CACNB3: variants seen among roughly 807,000 people sequenced by gnomAD.
CACNB3 encodes the protein calcium voltage-gated channel auxiliary subunit beta 3.
CACNB3 carries 36 observed loss-of-function variants against 63.7 expected under a neutral mutation model. That is an observed-to-expected ratio of 0.57 (90% CI 0.43 to 0.75). The LOEUF is 0.75. Ranked by LOEUF, CACNB3 falls within the 30% of genes least tolerant of loss-of-function variation. The pLI, the probability that CACNB3 is intolerant of heterozygous loss-of-function variation, is 0.00. For synonymous variants in CACNB3, 241 were observed against 250.6 expected (o/e 0.96, Z 0.36); for missense variants, 493 against 648.6 (o/e 0.76, Z 2.61).
At position 48,827,097 on chromosome 12, in the gene CACNB3, C is replaced by T; in HGVS notation, c.1114C>T (p.Pro372Ser). 1 of 1,612,806 alleles carries T rather than the reference C, an allele frequency of 6.2e-7. No individual in the cohort carries two copies. Among genetic ancestry groups the T allele is most frequent in the Non-Finnish European group, 8.5e-7 (1 of 1,180,016 alleles). The change falls in exon 12 of 13, where the codon CCT becomes TCT. Residue 372 changes from proline to serine, a missense_variant. Pro to Ser is a moderately conservative substitution (Grantham distance 74). Coordinates refer to ENST00000301050, the MANE Select transcript of CACNB3 (RefSeq NM_000725.4). ...AGCCCCTGGCCCCGGACTTCTGGGT[C>T]CTCCCAGTGCCATCCCCGGACTTCA... Reference protein sequence around the residue: ...HPAPGPGLLGPPSAIPGLQNQ... With the variant: ...HPAPGPGLLGSPSAIPGLQNQ...
chr12:48,826,931 T>C lies in CACNB3; in HGVS notation c.991-43T>C. The stretch of plus-strand genomic sequence containing the variant: ...GTGATAGAGATGGGTGGGGGGCTGC[T>C]ACTGAGGGGAAACCAACGTTGCGCC... On this transcript the variant is annotated intron_variant, in intron 11 of 12. Coordinates refer to ENST00000301050, the MANE Select transcript of CACNB3 (RefSeq NM_000725.4). The surrounding 1 kb of genome is among the most constrained non-coding windows in gnomAD (Gnocchi z 4.8). 6.2e-7 allele frequency: 1 copy of C among 1,613,414 alleles called. No homozygotes were observed. The highest frequency in any genetic ancestry group is 8.5e-7 in the Non-Finnish European group (1 of 1,179,560).
At chr12:48,824,084 C>A in intron 3 of CACNB3, 174 bp from the exon 4 acceptor site, 1 of 682,910 alleles carries the variant, frequency 1.5e-6, no homozygotes, top group Non-Finnish European at 2.5e-6. Context: ...ACTCAGAAAT[C>A]CTGGGTGGCC....
chr12:48,824,039 GC>G, intron 3 of CACNB3: 1 of 666,646 alleles, frequency 1.5e-6, no homozygotes, highest in Non-Finnish European at 2.5e-6. Context: ...TAGATTAGCT[GC>G]CTCCGAGGTC....
chr12:48,826,239 G>A lies in CACNB3; in HGVS notation c.743-128G>A. 1.1e-6 allele frequency: 1 copy of A among 888,926 alleles called. No individual in the cohort carries two copies. 55.1% of individuals were successfully genotyped at this position (888,926 alleles called of 1,614,324 possible). On this transcript the variant is annotated intron_variant, in intron 9 of 12. Coordinates refer to ENST00000301050, the MANE Select transcript of CACNB3 (RefSeq NM_000725.4). This position sits in a 1 kb window ranked among gnomAD's most constrained non-coding sequence, Gnocchi z 4.8. ...CTCCTCAATTCCCATTCCTCTGCCT[G>A]TCCAGGCTTCGATGAATGCCCTTTT... is the stretch of plus-strand genomic sequence containing the variant.
Position 48,824,311 on chromosome 12 carries a change from C to T in CACNB3, c.345C>T (p.Ile115=), listed in dbSNP as rs116815169. ...GGCTAGTGAAAGAGGGCGGGGACAT[C>T]GCCTTCATCCCCAGCCCCCAGCGCC... ...IGRLVKEGGD[I]AFIPSPQRLE... Residue 115 remains isoleucine, a synonymous_variant, in exon 4 of 13, where the codon ATC becomes ATT. Transcript: ENST00000301050. 5.9e-4 allele frequency: 947 copies of T among 1,613,024 alleles called. 12 individuals carry two copies. In the African/African-American group the frequency reaches 9.1e-3, roughly 16 times the overall value.
intron 1 of CACNB3, among the ~76,000 whole-genome samples, chr12:48,822,804 A>G (rs759540485): frequency 7.9e-5 from 12 of 152,232 alleles, no homozygotes; most frequent in Middle Eastern, 3.4e-3. Flanking sequence ...GCCTTGTTGG[A>G]GTAGGGAAAG....
In CACNB3 at chr12:48,826,667, C is replaced by T; in HGVS notation, c.895-92C>T. 1 of 1,416,164 alleles carries T rather than the reference C, an allele frequency of 7.1e-7. No individual in the cohort carries two copies. 87.7% of individuals were successfully genotyped at this position (1,416,164 alleles called of 1,614,324 possible). ...GAGTCATCCTCACCTGCTACTGATG[C>T]CACAAGTGGAAGAAATGCCTAGCTC... On this transcript the variant is annotated intron_variant, in intron 10 of 12. Transcript: ENST00000301050. The surrounding 1 kb of genome is among the most constrained non-coding windows in gnomAD (Gnocchi z 4.8).
At position 48,828,852 on chromosome 12, in the gene CACNB3, C is replaced by G; in HGVS notation, c.*953C>G. 1 of 441,508 alleles carries G rather than the reference C, an allele frequency of 2.3e-6. No individual in the cohort carries two copies. The highest frequency in any genetic ancestry group is 4.6e-6 in the Non-Finnish European group (1 of 219,472). The allele number at this position is 441,508 out of a possible 1,614,324, so 27.3% of individuals were successfully genotyped here. ...GGACCTGTCTCCCCGGCTACTCTTG[C>G]CTTATGGCTCTAGTGTGTGACCTAC... is the stretch of plus-strand genomic sequence containing the variant. On this transcript the variant is annotated 3_prime_UTR_variant, in exon 13 of 13. Coordinates refer to ENST00000301050, the MANE Select transcript of CACNB3 (RefSeq NM_000725.4).
chr12:48,819,914 G>T, intron 1 of CACNB3: 1 of 302,762 alleles, frequency 3.3e-6, no homozygotes, highest in South Asian at 2.6e-5. Flanking sequence ...TCAGCCCCTT[G>T]GAGCTGACAA....
upstream of CACNB3, chr12:48,818,396 C>T (rs1279785631): frequency 2.1e-6 from 2 of 960,692 alleles, no homozygotes; most frequent in Non-Finnish European, 2.5e-6. The surrounding 1 kb of genome is among the most constrained non-coding windows in gnomAD (Gnocchi z 4.3). Flanking sequence ...CCTTTGTTTC[C>T]CGGCGGAGTA....
Position 48,828,831 on chromosome 12 carries a change from C to A in CACNB3, c.*932C>A, listed in dbSNP as rs536814323. The A allele has an allele frequency of 6.6e-6, 3 of 452,402 alleles. No homozygotes were observed. Among genetic ancestry groups the A allele is most frequent in the Middle Eastern group, 7.1e-4 (2 of 2,824 alleles). 28.0% of individuals were successfully genotyped at this position (452,402 alleles called of 1,614,324 possible). ...TGGGGAGAGACAGGGCACAGAGGACCTGTCTCCCCGGCTACTCTTGCCTTA... is the reference window on the plus strand; with the variant it reads ...TGGGGAGAGACAGGGCACAGAGGACATGTCTCCCCGGCTACTCTTGCCTTA... On this transcript the variant is annotated 3_prime_UTR_variant, in exon 13 of 13. Transcript: ENST00000301050.
Position 48,824,751 on chromosome 12 carries a change from C to G in CACNB3, c.472+18C>G. Reference sequence around the variant, plus strand: ...ATCTCTAGGTAGCCTCCCCCCAACCCACCCATTTTGGGTAGGTGGGTAGCT... The same window carrying G: ...ATCTCTAGGTAGCCTCCCCCCAACCGACCCATTTTGGGTAGGTGGGTAGCT... On this transcript the variant is annotated intron_variant, in intron 5 of 12. Transcript: ENST00000301050. 6.2e-7 allele frequency: 1 copy of G among 1,612,084 alleles called. No homozygotes were observed. Among genetic ancestry groups the G allele is most frequent in the Non-Finnish European group, 8.5e-7 (1 of 1,178,574 alleles).
rs376269921 is a variant in CACNB3, at chr12:48,825,003, A to C, written c.492+35A>C. On this transcript the variant is annotated intron_variant, in intron 6 of 12. Coordinates refer to ENST00000301050, the MANE Select transcript of CACNB3 (RefSeq NM_000725.4). This position sits in a 1 kb window ranked among gnomAD's most constrained non-coding sequence, Gnocchi z 4.5. ...GGAAGGGACCTGGGCTGGGGGGATCATGGCTTATGGCTCTGGGGACAGTGT... is the reference window on the plus strand; with the variant it reads ...GGAAGGGACCTGGGCTGGGGGGATCCTGGCTTATGGCTCTGGGGACAGTGT... The C allele has an allele frequency of 2.5e-6, 4 of 1,596,308 alleles. No homozygotes were observed. The African/African-American group carries it at 5.9e-5, about 23-fold the overall frequency.
Position 48,818,879 on chromosome 12 carries a change from C to T in CACNB3, c.-51C>T. 1 of 1,538,408 alleles carries T rather than the reference C, an allele frequency of 6.5e-7. No individual in the cohort carries two copies. The highest frequency in any genetic ancestry group is 8.8e-7 in the Non-Finnish European group (1 of 1,141,478). Reference sequence around the variant, plus strand: ...GGCCCGCAGTCCTTGCCCCTGCCTCCGGGCCGCTCCCGCCCCCGGCGCCGC... The same window carrying T: ...GGCCCGCAGTCCTTGCCCCTGCCTCTGGGCCGCTCCCGCCCCCGGCGCCGC... On this transcript the variant is annotated 5_prime_UTR_variant, in exon 1 of 13. Transcript: ENST00000301050. The surrounding 1 kb of genome is among the most constrained non-coding windows in gnomAD (Gnocchi z 4.3).
At position 48,826,015 on chromosome 12, in the gene CACNB3, C is replaced by T. The variant is rs1021705772; in HGVS notation, c.742+246C>T. On this transcript the variant is annotated intron_variant, in intron 9 of 12. Transcript: ENST00000301050. This position sits in a 1 kb window ranked among gnomAD's most constrained non-coding sequence, Gnocchi z 4.8. ...AGCTAATTTTTGCATTTTTAGTAGACGTGGGGTTTCACCATGTTGGCCAGG... is the reference window on the plus strand; with the variant it reads ...AGCTAATTTTTGCATTTTTAGTAGATGTGGGGTTTCACCATGTTGGCCAGG... Among the ~76,000 whole-genome samples the T allele has an allele frequency of 6.6e-6, 1 of 151,986 alleles. No individual in the cohort carries two copies. The highest frequency in any genetic ancestry group is 1.5e-5 in the Non-Finnish European group (1 of 67,984).
Position 48,823,277 on chromosome 12 carries a change from G to A in CACNB3, c.46-67G>A, listed in dbSNP as rs1362087577. 4.4e-6 allele frequency: 7 copies of A among 1,581,426 alleles called. No individual in the cohort carries two copies. The highest frequency in any genetic ancestry group is 6.0e-6 in the Non-Finnish European group (7 of 1,161,842). Reference sequence around the variant, plus strand: ...GGCAATAGAGGCAACACTGTAAGGTGAGGAGGGTGCCTCCATGGCATCCTT... The same window carrying A: ...GGCAATAGAGGCAACACTGTAAGGTAAGGAGGGTGCCTCCATGGCATCCTT... On this transcript the variant is annotated intron_variant, in intron 1 of 12. Transcript: ENST00000301050. The surrounding 1 kb of genome is among the most constrained non-coding windows in gnomAD (Gnocchi z 4.2).
upstream of CACNB3, chr12:48,815,295 C>T (rs532741385): frequency 5.7e-5 from 16 of 282,366 alleles, no homozygotes; most frequent in Admixed American, 6.4e-4. Context: ...CCTACTCTTT[C>T]TCGGGAGGAC....
At chr12:48,815,052 G>C (rs1942252103), upstream of CACNB3, 1 of 160,692 alleles carries the variant, frequency 6.2e-6, no homozygotes, top group Admixed American at 6.2e-5. Context: ...GCCGAGCCGG[G>C]GACGGGTGGA....
rs754741655 is a variant in CACNB3 at position 48,825,187 on chromosome 12, G to A, written c.517G>A (p.Val173Met). The change falls in exon 7 of 13, where the codon GTG becomes ATG. Residue 173 changes from valine to methionine, a missense_variant. By Grantham distance (21) the Val-to-Met change is conservative. Transcript: ENST00000301050. This position sits in a 1 kb window ranked among gnomAD's most constrained non-coding sequence, Gnocchi z 4.5. The part of the protein sequence containing the change: ...KQAEHVPPYD[V>M]VPSMRPVVLV... ...GGCGGAACATGTTCCCCCATATGACGTGGTGCCCTCCATGCGGCCTGTGGT... is the reference window on the plus strand; with the variant it reads ...GGCGGAACATGTTCCCCCATATGACATGGTGCCCTCCATGCGGCCTGTGGT... The A allele has an allele frequency of 3.7e-6, 6 of 1,613,988 alleles. No individual in the cohort carries two copies. The highest frequency in any genetic ancestry group is 2.7e-5 in the African/African-American group (2 of 74,902).
Sources: gnomAD v4.1 joint callset for allele counts (sites outside exome capture counted in the v4.1 genomes callset) on GRCh38, gnomAD v4.1.1 for gene constraint, Gnocchi (gnomAD v3.1) non-coding constraint, MANE v1.5 for transcripts, NCBI Gene and HGNC (gene_info 2026-07-23, HGNC 2026-07-21) for gene names.